Variants in MAN1A1 observed in about 807,000 individuals in gnomAD.
MAN1A1 encodes the protein mannosidase alpha class 1A member 1.
In MAN1A1, 29 loss-of-function variants were observed where a neutral mutation model predicts 70.8. The ratio of observed to expected loss-of-function variants is 0.41; its 90% CI spans 0.31 to 0.56. The LOEUF is 0.56. MAN1A1 is among the 20% of genes least tolerant of loss of function. MAN1A1 has a pLI of 0.29. For synonymous variants in MAN1A1, 349 were observed against 330.1 expected (o/e 1.06, Z -0.62); for missense variants, 747 against 841.3 (o/e 0.89, Z 1.39).
At chr6:119,325,511 G>A (rs1343481828) in intron 2 of MAN1A1, among the ~76,000 whole-genome samples, 1 of 152,114 alleles carries the variant, frequency 6.6e-6, no homozygotes, top group Non-Finnish European at 1.5e-5. Flanking sequence ...ACAAAAATTA[G>A]CCAGGTGTGG....
chr6:119,292,736 G>A (rs920128174), intron 4 of MAN1A1, among the ~76,000 whole-genome samples: 1 of 151,960 alleles, frequency 6.6e-6, no homozygotes, highest in Non-Finnish European at 1.5e-5. Context: ...TAAGACTGGT[G>A]TGTTTAACTG....
intron 2 of MAN1A1, among the ~76,000 whole-genome samples, chr6:119,324,410 T>G (rs1773094608): frequency 6.6e-6 from 1 of 152,030 alleles, no homozygotes; most frequent in African/African-American, 2.4e-5. Context: ...GTAGTTAAGT[T>G]TGGGGGGGAA....
chr6:119,219,832 GA>G (rs1289222427), intron 6 of MAN1A1, among the ~76,000 whole-genome samples: 1 of 151,816 alleles, frequency 6.6e-6, no homozygotes, highest in Non-Finnish European at 1.5e-5. Context: ...ACGTCTTCTA[GA>G]AAAAGGTAAT....
chr6:119,324,341 C>T (rs1484686946), intron 2 of MAN1A1, among the ~76,000 whole-genome samples: 1 of 152,076 alleles, frequency 6.6e-6, no homozygotes, highest in Non-Finnish European at 1.5e-5. Flanking sequence ...ATACAAAATA[C>T]GTGTTAACTG....
chr6:119,182,208 T>C (rs1773169990), intron 11 of MAN1A1, among the ~76,000 whole-genome samples: 1 of 152,220 alleles, frequency 6.6e-6, no homozygotes, highest in Non-Finnish European at 1.5e-5. Context: ...CCTTTGCCTA[T>C]TTTGAAATCA....
At chr6:119,349,418 C>T in intron 1 of MAN1A1, 124 bp downstream of exon 1, 1 of 915,344 alleles carries the variant, frequency 1.1e-6, no homozygotes, top group Non-Finnish European at 1.3e-6. Context: ...AGTCCGGGCA[C>T]CGCCCTCGCA....
rs138968067 is a variant in MAN1A1 at position 119,323,358 on chromosome 6, T to C, written c.604-16366A>G. Among the ~76,000 whole-genome samples, 354 of 152,362 alleles carry C rather than the reference T, an allele frequency of 2.3e-3. 2 individuals carry two copies. Among genetic ancestry groups the C allele is most frequent in the African/African-American group, 8.3e-3 (344 of 41,582 alleles). On this transcript the variant is annotated intron_variant, in intron 2 of 12. Coordinates refer to ENST00000368468, the MANE Select transcript of MAN1A1 (RefSeq NM_005907.4). The stretch of plus-strand genomic sequence containing the variant: ...ACACCTTCCTTTTGCCATATTGATG[T>C]AAGCCACAAATTTGTTAAATACCAT...
intron 6 of MAN1A1, among the ~76,000 whole-genome samples, chr6:119,247,156 T>C (rs1326989383): frequency 6.6e-6 from 1 of 152,188 alleles, no homozygotes; most frequent in Non-Finnish European, 1.5e-5. Context: ...GTCACTAAAA[T>C]AAATAATTAG....
intron 5 of MAN1A1, among the ~76,000 whole-genome samples, chr6:119,260,018 C>T (rs1227055997): frequency 2.6e-5 from 4 of 152,042 alleles, no homozygotes; most frequent in Non-Finnish European, 5.9e-5. Context: ...TCTATATATA[C>T]TATTTCATAA....
chr6:119,210,850 C>G, intron 6 of MAN1A1: 1 of 452,798 alleles, frequency 2.2e-6, no homozygotes, highest in South Asian at 1.6e-5. Context: ...ACTTACAGAG[C>G]TATTTCTCTT....
intron 2 of MAN1A1, among the ~76,000 whole-genome samples, chr6:119,329,971 C>A (rs185503137): frequency 3.9e-5 from 6 of 152,124 alleles, no homozygotes; most frequent in Non-Finnish European, 7.4e-5. Flanking sequence ...CCTTCAAATA[C>A]TGAATATCTA....
intron 2 of MAN1A1, among the ~76,000 whole-genome samples, chr6:119,334,804 A>G (rs1773410626): frequency 6.6e-6 from 1 of 152,234 alleles, no homozygotes; most frequent in South Asian, 2.1e-4. Context: ...TTACACATGT[A>G]GTTATCTCTG....
chr6:119,204,539 G>A (rs1408636380), intron 7 of MAN1A1, among the ~76,000 whole-genome samples: 1 of 152,212 alleles, frequency 6.6e-6, no homozygotes, highest in Non-Finnish European at 1.5e-5. Flanking sequence ...GGAACCAGAG[G>A]TGGAAGCTGT....
upstream of MAN1A1, chr6:119,350,500 C>T: frequency 7.1e-6 from 7 of 985,018 alleles, no homozygotes; most frequent in Non-Finnish European, 8.4e-6. Context: ...TCTCTCCCGC[C>T]CACCCGTACT....
intron 11 of MAN1A1, among the ~76,000 whole-genome samples, chr6:119,187,063 A>T (rs1773312027): frequency 6.6e-6 from 1 of 152,186 alleles, no homozygotes; most frequent in Non-Finnish European, 1.5e-5. Flanking sequence ...AGCAAACCAA[A>T]GCATCCTGTC....
intron 7 of MAN1A1, among the ~76,000 whole-genome samples, chr6:119,204,300 C>T (rs768364320): frequency 2.0e-5 from 3 of 151,936 alleles, no homozygotes; most frequent in Non-Finnish European, 2.9e-5. Flanking sequence ...TAAAGGGAAG[C>T]CAAAAAGCAG....
chr6:119,264,070 C>A lies in MAN1A1; in HGVS notation c.898-15716G>T, dbSNP rs144140726. On this transcript the variant is annotated intron_variant, in intron 5 of 12. Coordinates refer to ENST00000368468, the MANE Select transcript of MAN1A1 (RefSeq NM_005907.4). ...GCTAACTTTTTAAAAAAGAATTCTG[C>A]TCATTGTAGAGAGAATGGTTTCATG... 1.4e-4 allele frequency among the ~76,000 whole-genome samples: 21 copies of A among 152,274 alleles called. No homozygotes were observed. In the East Asian group the frequency reaches 4.1e-3, roughly 29 times the overall value.
At position 119,178,666 on chromosome 6, in the gene MAN1A1, A is replaced by C. The variant is rs942844174; in HGVS notation, c.*1153T>G. ...CTTCTAAGTTGTGATCTCTGTGTTG[A>C]CTATAACCATACTAAATATGCTATA... On this transcript the variant is annotated 3_prime_UTR_variant, in exon 13 of 13. Transcript: ENST00000368468. 6.6e-6 allele frequency: 1 copy of C among 152,098 alleles called. No homozygotes were observed. The highest frequency in any genetic ancestry group is 2.4e-5 in the African/African-American group (1 of 41,434). 9.4% of individuals were successfully genotyped at this position (152,098 alleles called of 1,614,324 possible).
intron 6 of MAN1A1, among the ~76,000 whole-genome samples, chr6:119,246,710 A>G (rs1775176660): frequency 6.6e-6 from 1 of 152,160 alleles, no homozygotes; most frequent in South Asian, 2.1e-4. Context: ...TGGTCAGAAT[A>G]CTACCTATAA....
Sources: allele counts gnomAD v4.1 joint callset (sites outside exome capture counted in the v4.1 genomes callset), GRCh38; gene constraint gnomAD v4.1.1; transcripts MANE v1.5; gene names NCBI Gene and HGNC (gene_info 2026-07-23, HGNC 2026-07-21).